Variants in RALGAPA1 observed in about 807,000 individuals in gnomAD.
RALGAPA1 encodes Ral GTPase activating protein catalytic subunit alpha 1.
In RALGAPA1, 52 loss-of-function variants were observed where a neutral mutation model predicts 269.6. The ratio of observed to expected loss-of-function variants is 0.19; its 90% CI spans 0.15 to 0.24. The LOEUF (loss-of-function observed/expected upper bound fraction) is 0.24, where lower values mean the gene tolerates loss of function less well. RALGAPA1 is among the 10% of genes least tolerant of loss of function. The pLI, the probability that RALGAPA1 is intolerant of heterozygous loss-of-function variation, is 1.00. For synonymous variants in RALGAPA1, 817 were observed against 1,008.3 expected (o/e 0.81, Z 3.60); for missense variants, 1,917 against 3,013.9 (o/e 0.64, Z 8.52).
At chr14:35,602,488 A>C (rs1193390015) in intron 36 of RALGAPA1, among the ~76,000 whole-genome samples, 1 of 152,156 alleles carries the variant, frequency 6.6e-6, no homozygotes. Context: ...TTATTACCTG[A>C]CTTTCTGATT....
intron 35 of RALGAPA1, among the ~76,000 whole-genome samples, chr14:35,621,942 G>A (rs904126924): frequency 6.6e-6 from 1 of 152,154 alleles, no homozygotes; most frequent in African/African-American, 2.4e-5. Context: ...CAACCATTGT[G>A]GAAGACAGTG....
intron 1 of RALGAPA1, among the ~76,000 whole-genome samples, chr14:35,804,765 T>A (rs895370345): frequency 4.0e-5 from 6 of 149,560 alleles, no homozygotes; most frequent in African/African-American, 9.9e-5. Flanking sequence ...ACCCCATCTC[T>A]ACAAAAAAAA....
At chr14:35,645,880 A>T (rs552183012) in intron 31 of RALGAPA1, among the ~76,000 whole-genome samples, 23 of 152,288 alleles carry the variant, frequency 1.5e-4, no homozygotes, top group African/African-American at 5.5e-4. Flanking sequence ...GCACAAAGTG[A>T]GTCTGGAAAA....
chr14:35,605,494 TA>T, intron 36 of RALGAPA1, 91 bp downstream of exon 36: 3 of 1,351,424 alleles, frequency 2.2e-6, no homozygotes, highest in Non-Finnish European at 3.0e-6. Context: ...TTGTATCTCC[TA>T]AAATAATACT....
chr14:35,749,287 A>T (rs901088636), intron 9 of RALGAPA1, among the ~76,000 whole-genome samples: 1 of 152,172 alleles, frequency 6.6e-6, no homozygotes, highest in East Asian at 1.9e-4. Flanking sequence ...TAAACAAAAC[A>T]AAAAACAAAG....
chr14:35,690,324 T>C (rs1324976750), intron 17 of RALGAPA1, among the ~76,000 whole-genome samples: 1 of 152,140 alleles, frequency 6.6e-6, no homozygotes, highest in African/African-American at 2.4e-5. Context: ...GCAACTCAAA[T>C]GCTATTAAAT....
Position 35,688,793 on chromosome 14 carries a change from T to C in RALGAPA1, c.3618A>G (p.Leu1206=). Residue 1206 remains leucine (L), a synonymous_variant, in exon 18 of 42, where the codon CTA becomes CTG. Transcript: ENST00000680220. Reference sequence around the variant, plus strand: ...GAGGTCTGTACACACCAGGTTTTACTAGCTCTGTAGCACTATTTGTGCTGG... The same window carrying C: ...GAGGTCTGTACACACCAGGTTTTACCAGCTCTGTAGCACTATTTGTGCTGG... ...THTSTNSATE[L]VKPGVYRPLD... The C allele has an allele frequency of 1.4e-6, 2 of 1,413,564 alleles. No homozygotes were observed. The highest frequency in any genetic ancestry group is 1.8e-6 in the Non-Finnish European group (2 of 1,088,268). 87.6% of individuals were successfully genotyped at this position (1,413,564 alleles called of 1,614,324 possible).
intron 12 of RALGAPA1, among the ~76,000 whole-genome samples, chr14:35,729,931 G>T (rs1177444619): frequency 6.6e-6 from 1 of 152,034 alleles, no homozygotes; most frequent in Non-Finnish European, 1.5e-5. Flanking sequence ...AGCGTGTGGA[G>T]GCTCATATCA....
At chr14:35,628,353 T>C (rs2061119993) in intron 33 of RALGAPA1, among the ~76,000 whole-genome samples, 1 of 152,112 alleles carries the variant, frequency 6.6e-6, no homozygotes, top group Non-Finnish European at 1.5e-5. Flanking sequence ...CTGGGCAACA[T>C]AGGGAGACTA....
intron 33 of RALGAPA1, among the ~76,000 whole-genome samples, chr14:35,632,791 A>G (rs1432555623): frequency 6.6e-6 from 1 of 152,152 alleles, no homozygotes; most frequent in Non-Finnish European, 1.5e-5. Context: ...GGGACACTCA[A>G]TGTTTAGAAT....
intron 21 of RALGAPA1, among the ~76,000 whole-genome samples, chr14:35,681,113 T>C (rs78129608): frequency 1.3e-5 from 2 of 152,188 alleles, no homozygotes; most frequent in Admixed American, 6.5e-5. Flanking sequence ...AAATAGATGA[T>C]TTCAGGACTA....
intron 29 of RALGAPA1, 127 bp from the exon 30 acceptor site, chr14:35,654,604 G>T: frequency 8.9e-7 from 1 of 1,124,568 alleles, no homozygotes; most frequent in Non-Finnish European, 1.2e-6. Flanking sequence ...AGGTGATTAA[G>T]ATAAATCTCT....
intron 41 of RALGAPA1, chr14:35,542,313 A>C (rs934321335): frequency 3.9e-6 from 1 of 259,740 alleles, no homozygotes; most frequent in Non-Finnish European, 7.5e-6. Flanking sequence ...TCCACATTAG[A>C]CAGTGCAGAT....
At chr14:35,622,214 G>A (rs1190897726) in intron 35 of RALGAPA1, among the ~76,000 whole-genome samples, 1 of 152,190 alleles carries the variant, frequency 6.6e-6, no homozygotes, top group Non-Finnish European at 1.5e-5. Flanking sequence ...GTCCTTTGCA[G>A]GGACATGGAC....
chr14:35,657,852 C>G (rs2063301506), intron 28 of RALGAPA1, among the ~76,000 whole-genome samples: 1 of 152,048 alleles, frequency 6.6e-6, no homozygotes, highest in Admixed American at 6.6e-5. Context: ...TTGAAATTCC[C>G]TGGGTTCTAG....
rs1284748224 is a variant in RALGAPA1, at chr14:35,634,768, AG to A, written c.5812-12del. On this transcript the variant is annotated splice_polypyrimidine_tract_variant and intron_variant, in intron 32 of 41. Transcript: ENST00000680220. ...ACACCCATGTAAAACCTGAAAATAC[AG>A]GGGGAAACACCCAGTTTTACTTAAA... is the stretch of plus-strand genomic sequence containing the variant. 3 of 1,573,760 alleles carry A rather than the reference AG, an allele frequency of 1.9e-6. No individual in the cohort carries two copies. Among genetic ancestry groups the A allele is most frequent in the Non-Finnish European group, 2.6e-6 (3 of 1,163,238 alleles).
At chr14:35,629,121 G>C (rs1014991382) in intron 33 of RALGAPA1, among the ~76,000 whole-genome samples, 1 of 152,176 alleles carries the variant, frequency 6.6e-6, no homozygotes, top group Non-Finnish European at 1.5e-5. Flanking sequence ...TAAAGACTGT[G>C]ATTCTGAGGG....
intron 26 of RALGAPA1, among the ~76,000 whole-genome samples, chr14:35,666,727 C>T (rs1421334697): frequency 1.3e-5 from 2 of 152,042 alleles, no homozygotes. Flanking sequence ...GTATTAGATA[C>T]ACAAAGGAGA....
At position 35,763,892 on chromosome 14, in the gene RALGAPA1, G is replaced by A. The variant is rs537749926; in HGVS notation, c.326-1139C>T. On this transcript the variant is annotated intron_variant, in intron 4 of 41. Coordinates refer to ENST00000680220, the MANE Select transcript of RALGAPA1 (RefSeq NM_001346249.2). Reference sequence around the variant, plus strand: ...GTAACAATTAACAGTACTACCAGCCGTATATGGGAGGGCTCTAGTACCATA... The same window carrying A: ...GTAACAATTAACAGTACTACCAGCCATATATGGGAGGGCTCTAGTACCATA... 2.6e-4 allele frequency among the ~76,000 whole-genome samples: 39 copies of A among 152,030 alleles called. 1 individual carries two copies. The South Asian group carries it at 6.4e-3, about 25-fold the overall frequency.
Sources: gnomAD v4.1 joint callset for allele counts (sites outside exome capture counted in the v4.1 genomes callset) on GRCh38, gnomAD v4.1.1 for gene constraint, MANE v1.5 for transcripts, NCBI Gene and HGNC (gene_info 2026-07-23, HGNC 2026-07-21) for gene names.